The following ELOVL6 variants were observed in gnomAD, a reference collection of about 807,000 sequenced individuals.
ELOVL6 encodes very long chain fatty acid elongase 6.
Under a neutral mutation model 31.7 loss-of-function variants are expected in ELOVL6, and 8 were observed. That is an observed-to-expected ratio of 0.25 (90% CI 0.15 to 0.45). The LOEUF is 0.45. ELOVL6 is among the 20% of genes least tolerant of loss of function. The probability of loss-of-function intolerance (pLI) is 1.00; values close to 1 mark genes in which losing one functional copy is unlikely to be tolerated. For synonymous variants in ELOVL6, 101 were observed against 117.7 expected (o/e 0.86, Z 0.92); for missense variants, 126 against 326.4 (o/e 0.39, Z 4.73).
rs752450027 is a variant in ELOVL6 at position 110,051,773 on chromosome 4, A to G, written c.374-11T>C. On this transcript the variant is annotated splice_polypyrimidine_tract_variant and intron_variant, in intron 3 of 3. Coordinates refer to ENST00000302274, the MANE Select transcript of ELOVL6 (RefSeq NM_024090.3). The surrounding 1 kb of genome is among the most constrained non-coding windows in gnomAD (Gnocchi z 4.8). ...TGAATATTGTATCTCCTGGAAGACAAAGAGGAAGAAGGTACGTGAGATCCT... is the reference window on the plus strand; with the variant it reads ...TGAATATTGTATCTCCTGGAAGACAGAGAGGAAGAAGGTACGTGAGATCCT... 4 of 1,607,234 alleles carry G rather than the reference A, an allele frequency of 2.5e-6. No individual in the cohort carries two copies. Among genetic ancestry groups the G allele is most frequent in the Non-Finnish European group, 3.4e-6 (4 of 1,176,636 alleles).
Position 110,050,169 on chromosome 4 carries a change from A to G in ELOVL6, c.*1169T>C, listed in dbSNP as rs192953795. 41 of 152,736 alleles carry G rather than the reference A, an allele frequency of 2.7e-4. No individual in the cohort carries two copies. Among genetic ancestry groups the G allele is most frequent in the Non-Finnish European group, 3.8e-4 (26 of 68,026 alleles). 9.5% of individuals were successfully genotyped at this position (152,736 alleles called of 1,614,324 possible). ...AACACCTCTACATTGCTTGGGGAGC[A>G]AATGCAGATGATGCAGAAACACAGT... On this transcript the variant is annotated 3_prime_UTR_variant, in exon 4 of 4. Transcript: ENST00000302274.
chr4:110,107,303 C>T (rs1756915446), intron 1 of ELOVL6, among the ~76,000 whole-genome samples: 1 of 152,140 alleles, frequency 6.6e-6, no homozygotes, highest in Non-Finnish European at 1.5e-5. Context: ...TTCTCTTGGG[C>T]CCACAAGACC....
intron 1 of ELOVL6, among the ~76,000 whole-genome samples, chr4:110,106,763 G>A (rs1207101047): frequency 6.8e-6 from 1 of 146,076 alleles, no homozygotes; most frequent in Non-Finnish European, 1.5e-5. Flanking sequence ...TGGGAATGCA[G>A]CCCAGTAGGT....
chr4:110,081,876 A>C (rs369410181), intron 2 of ELOVL6, among the ~76,000 whole-genome samples: 3 of 150,486 alleles, frequency 2.0e-5, no homozygotes, highest in African/African-American at 7.3e-5. Context: ...GAATCTACAA[A>C]GAACTCAAAC....
intron 1 of ELOVL6, among the ~76,000 whole-genome samples, chr4:110,192,776 T>C (rs1560866519): frequency 6.6e-6 from 1 of 152,224 alleles, no homozygotes; most frequent in Non-Finnish European, 1.5e-5. Flanking sequence ...TTCTCATTCT[T>C]CTCACTCTTA....
In ELOVL6 at chr4:110,186,152, T is replaced by C. The variant is rs536208166; in HGVS notation, c.89+12095A>G. On this transcript the variant is annotated intron_variant, in intron 1 of 3. Coordinates refer to ENST00000302274, the MANE Select transcript of ELOVL6 (RefSeq NM_024090.3). ...TTGCAGTGGGCCAAAATTGCACCAC[T>C]GTACTACAGCCTGGGCAACAGAGCG... 3.3e-3 allele frequency among the ~76,000 whole-genome samples: 495 copies of C among 152,216 alleles called. 2 individuals carry two copies. Among genetic ancestry groups the C allele is most frequent in the African/African-American group, 0.011 (470 of 41,544 alleles).
intron 2 of ELOVL6, among the ~76,000 whole-genome samples, chr4:110,083,209 T>C (rs1755934056): frequency 6.6e-6 from 1 of 151,728 alleles, no homozygotes; most frequent in African/African-American, 2.4e-5. Context: ...TAAAAATAGC[T>C]TACTAATTTC....
intron 1 of ELOVL6, among the ~76,000 whole-genome samples, chr4:110,154,991 T>G (rs1224799370): frequency 6.6e-6 from 1 of 152,204 alleles, no homozygotes; most frequent in Non-Finnish European, 1.5e-5. Flanking sequence ...GAGAATTAAA[T>G]GAGCAATATA....
intron 1 of ELOVL6, among the ~76,000 whole-genome samples, chr4:110,163,215 T>C (rs2126270028): frequency 6.6e-6 from 1 of 152,306 alleles, no homozygotes; most frequent in African/African-American, 2.4e-5. Context: ...TCTGGATCTC[T>C]CTTCTCCTAG....
At chr4:110,069,027 G>C (rs763229241) in intron 2 of ELOVL6, among the ~76,000 whole-genome samples, 1 of 151,870 alleles carries the variant, frequency 6.6e-6, no homozygotes, top group Admixed American at 6.6e-5. Flanking sequence ...TGTAGTCCCA[G>C]CTACTCAGGA....
intron 1 of ELOVL6, among the ~76,000 whole-genome samples, chr4:110,114,283 G>A (rs544579174): frequency 6.6e-6 from 1 of 152,032 alleles, no homozygotes; most frequent in African/African-American, 2.4e-5. Flanking sequence ...AATTTTATTG[G>A]GCTTGAAGTT....
chr4:110,093,431 A>G (rs1756480267), intron 2 of ELOVL6, among the ~76,000 whole-genome samples: 1 of 152,256 alleles, frequency 6.6e-6, no homozygotes, highest in African/African-American at 2.4e-5. Context: ...AATTCAAGTC[A>G]TATAAGGTTA....
chr4:110,128,352 C>T (rs575403959), intron 1 of ELOVL6, among the ~76,000 whole-genome samples: 19 of 152,222 alleles, frequency 1.2e-4, no homozygotes, highest in East Asian at 7.7e-4. Flanking sequence ...CATGCTAAGA[C>T]GTTTCTTTTT....
intron 2 of ELOVL6, among the ~76,000 whole-genome samples, chr4:110,084,245 T>TATATAACATATGAC (rs1756089357): frequency 2.2e-5 from 3 of 134,248 alleles, no homozygotes; most frequent in African/African-American, 8.3e-5. Flanking sequence ...ACATATATGA[T>TATATAACATATGAC]ATATATAACA....
rs540025175 is a variant in ELOVL6, at chr4:110,164,867, C to T, written c.89+33380G>A. ...GAATTTCTTTTTTTTGAGACAGAGT[C>T]TCACTCTGTTGCCCAGGTTGGAGTG... On this transcript the variant is annotated intron_variant, in intron 1 of 3. Transcript: ENST00000302274. 2.6e-5 allele frequency among the ~76,000 whole-genome samples: 4 copies of T among 151,614 alleles called. No individual in the cohort carries two copies. In the South Asian group the frequency reaches 8.4e-4, roughly 32 times the overall value.
intron 1 of ELOVL6, among the ~76,000 whole-genome samples, chr4:110,164,386 T>C (rs1758710252): frequency 6.6e-6 from 1 of 152,016 alleles, no homozygotes; most frequent in African/African-American, 2.4e-5. Flanking sequence ...ATAGCATGAG[T>C]ATTCTGAGCT....
At chr4:110,064,621 C>A (rs1001863589) in intron 2 of ELOVL6, among the ~76,000 whole-genome samples, 1 of 151,798 alleles carries the variant, frequency 6.6e-6, no homozygotes, top group African/African-American at 2.4e-5. Context: ...AGCCACTGTG[C>A]CTATTTAACT....
chr4:110,063,458 C>G (rs1350628358), intron 2 of ELOVL6, among the ~76,000 whole-genome samples: 5 of 151,680 alleles, frequency 3.3e-5, no homozygotes, highest in Non-Finnish European at 5.9e-5. Flanking sequence ...TCCCCCAGTT[C>G]CTGATCCTGA....
intron 3 of ELOVL6, among the ~76,000 whole-genome samples, chr4:110,055,742 G>A (rs1236887012): frequency 6.6e-6 from 1 of 152,160 alleles, no homozygotes; most frequent in Non-Finnish European, 1.5e-5. Context: ...ATGCTCAACT[G>A]AGCAAGGACC....
Sources: gnomAD v4.1 joint callset for allele counts (sites outside exome capture counted in the v4.1 genomes callset) on GRCh38, gnomAD v4.1.1 for gene constraint, Gnocchi (gnomAD v3.1) non-coding constraint, MANE v1.5 for transcripts, NCBI Gene and HGNC (gene_info 2026-07-23, HGNC 2026-07-21) for gene names.